The following ZNF385B variants were observed in gnomAD, a reference collection of about 807,000 sequenced individuals.
ZNF385B encodes zinc finger protein 385B, also known as zinc finger protein 533.
In ZNF385B, 23 loss-of-function variants were observed where a neutral mutation model predicts 39.2. The observed-to-expected ratio is 0.59, with a 90% CI of 0.42 to 0.83. The LOEUF (loss-of-function observed/expected upper bound fraction) is 0.83. Among genes scored for constraint, ZNF385B ranks in the 40% least tolerant of loss-of-function variants. The pLI is 0.00. For missense variants in ZNF385B, 552 were observed against 598.9 expected (o/e 0.92, Z 0.82); for synonymous variants, 205 against 222.6 (o/e 0.92, Z 0.70).
intron 3 of ZNF385B, among the ~76,000 whole-genome samples, chr2:179,649,823 T>G (rs1227870008): frequency 1.3e-5 from 2 of 152,222 alleles, no homozygotes; most frequent in Non-Finnish European, 2.9e-5. Context: ...CTTTCTAGAT[T>G]CTTAAGTTTT....
chr2:179,781,521 G>A (rs957772970), intron 1 of ZNF385B, among the ~76,000 whole-genome samples: 6 of 152,076 alleles, frequency 3.9e-5, no homozygotes, highest in African/African-American at 1.2e-4. Flanking sequence ...AAATCTAAAT[G>A]TTAAAGAAAA....
At chr2:179,685,707 TA>T (rs941199961) in intron 3 of ZNF385B, among the ~76,000 whole-genome samples, 2 of 146,858 alleles carry the variant, frequency 1.4e-5, no homozygotes, top group Non-Finnish European at 3.0e-5. Context: ...AAAAAAAAAA[TA>T]AAAAAAGTCA....
In ZNF385B at chr2:179,445,673, G is replaced by A; in HGVS notation, c.1017C>T (p.Ser339=). The A allele has an allele frequency of 2.5e-6, 4 of 1,613,872 alleles. No homozygotes were observed. Among genetic ancestry groups the A allele is most frequent in the Non-Finnish European group, 3.4e-6 (4 of 1,179,896 alleles). The change falls in exon 8 of 10, where the codon TCC becomes TCT. Residue 339 remains serine (S), a synonymous_variant. Coordinates refer to ENST00000410066, the MANE Select transcript of ZNF385B (RefSeq NM_152520.6). ...EARNGAGPIK[S]YPRPGSRLKM... ...TTAATCTTGATCCAGGTCTAGGATA[G>A]GATTTAATTGGACCAGCCCCATTAC...
intron 3 of ZNF385B, among the ~76,000 whole-genome samples, chr2:179,729,137 A>C (rs1701213699): frequency 6.8e-6 from 1 of 147,746 alleles, no homozygotes; most frequent in South Asian, 2.2e-4. Context: ...TCAAAAAAAA[A>C]AAAAAAAAAA....
At chr2:179,474,122 G>A (rs1574324199) in intron 6 of ZNF385B, among the ~76,000 whole-genome samples, 1 of 150,690 alleles carries the variant, frequency 6.6e-6, no homozygotes, top group Admixed American at 6.6e-5. Flanking sequence ...AAAAAAAACA[G>A]TTGTAAAATA....
intron 3 of ZNF385B, among the ~76,000 whole-genome samples, chr2:179,569,887 T>C (rs775536063): frequency 7.9e-5 from 12 of 152,320 alleles, no homozygotes; most frequent in South Asian, 4.1e-4. Context: ...GTATCTGTCT[T>C]ATGAAATGTG....
chr2:179,730,954 C>T (rs1258951943), intron 3 of ZNF385B, among the ~76,000 whole-genome samples: 1 of 152,170 alleles, frequency 6.6e-6, no homozygotes, highest in Admixed American at 6.5e-5. Flanking sequence ...GACCTTTTTC[C>T]ACCTTTTTAC....
At chr2:179,462,552 A>C (rs929259508) in intron 6 of ZNF385B, among the ~76,000 whole-genome samples, 1 of 152,160 alleles carries the variant, frequency 6.6e-6, no homozygotes, top group Non-Finnish European at 1.5e-5. Flanking sequence ...TAAAAGTTTA[A>C]GGTAGAATTC....
intron 3 of ZNF385B, among the ~76,000 whole-genome samples, chr2:179,572,009 C>T (rs769687913): frequency 1.3e-4 from 19 of 151,878 alleles, no homozygotes; most frequent in African/African-American, 3.4e-4. Context: ...AGGTGGAAAA[C>T]GCCTGTGGGG....
intron 5 of ZNF385B, among the ~76,000 whole-genome samples, 183 bp from the exon 6 acceptor site, chr2:179,483,617 A>G (rs1040110531): frequency 1.3e-5 from 2 of 152,184 alleles, no homozygotes; most frequent in Non-Finnish European, 1.5e-5. Flanking sequence ...AGCATATCAA[A>G]ACCTCCTATA....
chr2:179,597,147 C>T (rs771003743), intron 3 of ZNF385B, among the ~76,000 whole-genome samples: 6 of 152,190 alleles, frequency 3.9e-5, no homozygotes, highest in Admixed American at 6.5e-5. Context: ...TTCTATCATG[C>T]TCCTCTAAAT....
intron 4 of ZNF385B, among the ~76,000 whole-genome samples, chr2:179,521,353 G>GTTTTTTTTTTTTTTTTTTTT (rs56392185): frequency 2.8e-5 from 3 of 108,172 alleles, no homozygotes; most frequent in African/African-American, 7.2e-5. Context: ...CACCTGGCCA[G>GTTTTTTTTTTTTTTTTTTTT]TTTTTTTTTT....
chr2:179,670,446 A>G (rs1695814052), intron 3 of ZNF385B, among the ~76,000 whole-genome samples: 1 of 152,174 alleles, frequency 6.6e-6, no homozygotes, highest in Non-Finnish European at 1.5e-5. Context: ...CAGTCATAAG[A>G]AAAACTCAAG....
intron 3 of ZNF385B, among the ~76,000 whole-genome samples, chr2:179,579,867 G>T (rs4894110): frequency 0.17 from 26,595 of 152,008 alleles, 2,920 homozygotes; most frequent in South Asian, 0.29. Flanking sequence ...TCTATTATTT[G>T]CATGTCACAG....
At chr2:179,831,139 T>C (rs1707961115) in intron 1 of ZNF385B, among the ~76,000 whole-genome samples, 1 of 152,226 alleles carries the variant, frequency 6.6e-6, no homozygotes, top group Admixed American at 6.5e-5. Flanking sequence ...GAACTAAAAA[T>C]GCCTGGATTG....
intron 4 of ZNF385B, among the ~76,000 whole-genome samples, chr2:179,526,257 T>A (rs944046536): frequency 1.3e-5 from 2 of 151,734 alleles, no homozygotes; most frequent in African/African-American, 4.8e-5. Context: ...CTATAGAACT[T>A]TGTACTATTT....
chr2:179,633,378 G>A (rs927412237), intron 3 of ZNF385B, among the ~76,000 whole-genome samples: 6 of 152,016 alleles, frequency 3.9e-5, no homozygotes, highest in African/African-American at 1.4e-4. Context: ...CTTCATCCCT[G>A]GGATGAAAGG....
At chr2:179,563,403 T>C (rs955410903) in intron 3 of ZNF385B, among the ~76,000 whole-genome samples, 4 of 152,214 alleles carry the variant, frequency 2.6e-5, no homozygotes, top group Non-Finnish European at 5.9e-5. Flanking sequence ...AAATGACTGA[T>C]GCTTGCAAAT....
At chr2:179,540,217 G>T (rs1412958059) in intron 4 of ZNF385B, among the ~76,000 whole-genome samples, 1 of 152,062 alleles carries the variant, frequency 6.6e-6, no homozygotes, top group South Asian at 2.1e-4. Flanking sequence ...AGGCTAAGGT[G>T]GGAAGGATCA....
Sources: gnomAD v4.1 joint callset for allele counts (sites outside exome capture counted in the v4.1 genomes callset) on GRCh38, gnomAD v4.1.1 for gene constraint, MANE v1.5 for transcripts, NCBI Gene and HGNC (gene_info 2026-07-23, HGNC 2026-07-21) for gene names.